CDH13: variants seen among roughly 807,000 people sequenced by gnomAD.
The protein encoded by CDH13 is cadherin 13, also known as cadherin-13.
A neutral mutation model predicts 63.8 loss-of-function variants in CDH13; 24 were observed. The ratio of observed to expected loss-of-function variants is 0.38; its 90% CI spans 0.27 to 0.53. CDH13 has a LOEUF of 0.53. Ranked by LOEUF, CDH13 falls within the 20% of genes least tolerant of loss-of-function variation. The pLI is 0.85. For missense variants in CDH13, 1,049 were observed against 903.1 expected (o/e 1.16, Z -2.07); for synonymous variants, 503 against 355.3 (o/e 1.42, Z -4.67).
chr16:83,338,184 T>TA (rs5818440), intron 5 of CDH13, among the ~76,000 whole-genome samples: 98,806 of 135,044 alleles, frequency 0.73, 35,982 homozygotes, highest in South Asian at 0.8. Flanking sequence ...CTCTTCTTTT[T>TA]AAAAAAAAAA....
intron 4 of CDH13, among the ~76,000 whole-genome samples, chr16:83,174,110 G>C (rs2038029051): frequency 6.6e-6 from 1 of 152,096 alleles, no homozygotes; most frequent in South Asian, 2.1e-4. Flanking sequence ...AGTCTGTCCT[G>C]TGGTATCCCT....
intron 4 of CDH13, among the ~76,000 whole-genome samples, chr16:83,194,199 C>G (rs1311042666): frequency 6.6e-6 from 1 of 152,142 alleles, no homozygotes; most frequent in Non-Finnish European, 1.5e-5. Context: ...CTGGCTGCAG[C>G]CTTTGCTAGG....
chr16:83,186,697 C>T (rs1048972219), intron 4 of CDH13, among the ~76,000 whole-genome samples: 1 of 152,094 alleles, frequency 6.6e-6, no homozygotes, highest in Non-Finnish European at 1.5e-5. Context: ...TTTCTCAGGG[C>T]TAATGTTGAA....
At chr16:82,725,259 T>C (rs2033029604) in intron 1 of CDH13, among the ~76,000 whole-genome samples, 1 of 152,186 alleles carries the variant, frequency 6.6e-6, no homozygotes, top group South Asian at 2.1e-4. Flanking sequence ...TTCCCCATAC[T>C]CGTTATTGTC....
rs2075676852 is a variant in CDH13, at chr16:83,560,082, T to C, written c.961-42372T>C. Among the ~76,000 whole-genome samples the C allele has an allele frequency of 3.9e-5, 6 of 152,226 alleles. No homozygotes were observed. The South Asian group carries it at 1.2e-3, about 32-fold the overall frequency. The stretch of plus-strand genomic sequence containing the variant: ...CAGCTCCTTCTAATAGAACCCAGTG[T>C]CTCCTTAATTCTTTATGTGATGAAT... On this transcript the variant is annotated intron_variant, in intron 7 of 13. Transcript: ENST00000567109.
intron 7 of CDH13, among the ~76,000 whole-genome samples, chr16:83,536,146 C>A (rs2075182929): frequency 6.6e-6 from 1 of 152,086 alleles, no homozygotes; most frequent in Non-Finnish European, 1.5e-5. Flanking sequence ...CCGTAATATC[C>A]ACTGAGTATA....
intron 1 of CDH13, among the ~76,000 whole-genome samples, chr16:82,838,048 C>T (rs867501670): frequency 6.6e-6 from 1 of 152,186 alleles, no homozygotes; most frequent in South Asian, 2.1e-4. Context: ...GTTAACCAAC[C>T]TGACATTCCT....
chr16:82,702,186 C>A (rs2031085279), intron 1 of CDH13, among the ~76,000 whole-genome samples: 2 of 152,238 alleles, frequency 1.3e-5, no homozygotes, highest in South Asian at 2.1e-4. Context: ...GCCTGAAACA[C>A]CCTCTGTGGC....
intron 6 of CDH13, among the ~76,000 whole-genome samples, chr16:83,383,488 G>C (rs2091611586): frequency 1.3e-5 from 2 of 152,172 alleles, no homozygotes; most frequent in Non-Finnish European, 2.9e-5. Context: ...TGATGGTGTG[G>C]AGTGATTTCC....
At chr16:83,403,502 A>T (rs1484857035) in intron 6 of CDH13, among the ~76,000 whole-genome samples, 2 of 152,150 alleles carry the variant, frequency 1.3e-5, no homozygotes, top group Non-Finnish European at 2.9e-5. Flanking sequence ...GCGCGCCTGT[A>T]GTCCCAGCCA....
chr16:83,443,068 A>G (rs946558999), intron 6 of CDH13, among the ~76,000 whole-genome samples: 6 of 152,222 alleles, frequency 3.9e-5, no homozygotes, highest in East Asian at 1.9e-4. Flanking sequence ...TCAGACCTCA[A>G]TCTGCATATT....
intron 1 of CDH13, among the ~76,000 whole-genome samples, chr16:82,627,807 C>T (rs1198260651): frequency 1.3e-5 from 2 of 152,216 alleles, no homozygotes; most frequent in Admixed American, 1.3e-4. Flanking sequence ...AGCGTGTCCC[C>T]CGCCAGGGCG....
chr16:83,521,950 TTG>T (rs2074847578), intron 7 of CDH13, among the ~76,000 whole-genome samples: 1 of 151,432 alleles, frequency 6.6e-6, no homozygotes, highest in African/African-American at 2.4e-5. Context: ...TTGAAACACG[TTG>T]TTATTTTTCA....
At chr16:82,661,352 A>G (rs972319302) in intron 1 of CDH13, among the ~76,000 whole-genome samples, 14 of 152,232 alleles carry the variant, frequency 9.2e-5, no homozygotes, top group Admixed American at 4.6e-4. Flanking sequence ...TGGAACAGAT[A>G]GGAACGGGTA....
intron 1 of CDH13, among the ~76,000 whole-genome samples, chr16:82,764,864 G>GAGT (rs1446227266): frequency 4.7e-5 from 7 of 150,008 alleles, no homozygotes; most frequent in Non-Finnish European, 8.9e-5. Flanking sequence ...ATCCAGTCTG[G>GAGT]AGTGCAATGT....
intron 8 of CDH13, among the ~76,000 whole-genome samples, chr16:83,651,575 C>G (rs985916864): frequency 8.9e-6 from 1 of 112,282 alleles, no homozygotes; most frequent in South Asian, 3.1e-4. Flanking sequence ...CCTCATTGGT[C>G]TTTTATTTTC....
chr16:83,384,623 C>A (rs2048767746), intron 6 of CDH13, among the ~76,000 whole-genome samples: 1 of 152,168 alleles, frequency 6.6e-6, no homozygotes, highest in African/African-American at 2.4e-5. Flanking sequence ...GTCACTCTGG[C>A]ACTTGCATGT....
chr16:83,654,589 A>G (rs1411874252), intron 8 of CDH13, among the ~76,000 whole-genome samples: 5 of 152,174 alleles, frequency 3.3e-5, no homozygotes, highest in Admixed American at 6.5e-5. Context: ...CAGGCCTGAG[A>G]GTCTCATCTG....
At chr16:83,125,332 G>A (rs2035762576) in intron 3 of CDH13, 53 bp from the exon 4 acceptor site, 4 of 967,106 alleles carry the variant, frequency 4.1e-6, no homozygotes, top group Non-Finnish European at 6.6e-6. Flanking sequence ...GGAGCAGACT[G>A]ATACATCATT....
Sources: gnomAD v4.1 joint callset for allele counts (sites outside exome capture counted in the v4.1 genomes callset) on GRCh38, gnomAD v4.1.1 for gene constraint, MANE v1.5 for transcripts, NCBI Gene and HGNC (gene_info 2026-07-23, HGNC 2026-07-21) for gene names.